The following SSBP3 variants were observed in gnomAD, a reference collection of about 807,000 sequenced individuals.
SSBP3 encodes single stranded DNA binding protein 3, also known as single-stranded DNA-binding protein 3.
In SSBP3, 5 loss-of-function variants were observed where a neutral mutation model predicts 69.6. The observed-to-expected ratio is 0.07, with a 90% CI of 0.04 to 0.15. SSBP3 has a LOEUF of 0.15. Ranked by LOEUF, SSBP3 falls within the 10% of genes least tolerant of loss-of-function variation. SSBP3 has a pLI of 1.00. For synonymous variants in SSBP3, 196 were observed against 193.4 expected (o/e 1.01, Z -0.11); for missense variants, 312 against 534.0 (o/e 0.58, Z 4.10).
intron 4 of SSBP3, among the ~76,000 whole-genome samples, chr1:54,375,360 A>G (rs1053186356): frequency 4.8e-5 from 7 of 146,680 alleles, no homozygotes; most frequent in Non-Finnish European, 9.0e-5. Context: ...GCATGCATGC[A>G]TTCAATTTAT....
intron 4 of SSBP3, among the ~76,000 whole-genome samples, chr1:54,306,229 G>A (rs1406210830): frequency 6.6e-6 from 1 of 152,110 alleles, no homozygotes; most frequent in Non-Finnish European, 1.5e-5. Flanking sequence ...CAAGGAGTGA[G>A]TGGATATTAC....
At chr1:54,271,895 G>A (rs1027400210) in intron 5 of SSBP3, among the ~76,000 whole-genome samples, 6 of 152,020 alleles carry the variant, frequency 3.9e-5, no homozygotes, top group East Asian at 1.9e-4. Context: ...TCAGCCTCCC[G>A]AATAGATGGG....
intron 4 of SSBP3, among the ~76,000 whole-genome samples, chr1:54,379,867 C>T (rs997405423): frequency 2.0e-5 from 3 of 152,168 alleles, no homozygotes; most frequent in Admixed American, 6.5e-5. Flanking sequence ...AAGAACACGG[C>T]GCATCAAGTC....
chr1:54,370,269 C>T (rs1053062003), intron 4 of SSBP3, among the ~76,000 whole-genome samples: 1 of 152,190 alleles, frequency 6.6e-6, no homozygotes, highest in Non-Finnish European at 1.5e-5. Context: ...GAAATCCAAA[C>T]GACCAGGAAA....
At chr1:54,365,215 T>C (rs1166484120) in intron 4 of SSBP3, among the ~76,000 whole-genome samples, 1 of 152,148 alleles carries the variant, frequency 6.6e-6, no homozygotes, top group African/African-American at 2.4e-5. Context: ...GAGGCTCCAT[T>C]GTGCCATGCG....
chr1:54,292,228 T>C (rs1274296411), intron 4 of SSBP3, among the ~76,000 whole-genome samples: 1 of 152,208 alleles, frequency 6.6e-6, no homozygotes, highest in Non-Finnish European at 1.5e-5. Context: ...GTCCTGGGAT[T>C]CAAACCCAGG....
intron 4 of SSBP3, among the ~76,000 whole-genome samples, chr1:54,330,123 T>C (rs913298918): frequency 7.9e-5 from 12 of 152,040 alleles, no homozygotes; most frequent in African/African-American, 2.9e-4. Flanking sequence ...CGGACCTGCA[T>C]GGATCCCCCG....
chr1:54,239,650 C>G (rs1246808808), intron 13 of SSBP3, among the ~76,000 whole-genome samples: 3 of 152,218 alleles, frequency 2.0e-5, no homozygotes, highest in Non-Finnish European at 4.4e-5. Context: ...GAGGGAGAGG[C>G]AGGGATGGGG....
intron 14 of SSBP3, among the ~76,000 whole-genome samples, chr1:54,231,672 TCTA>T (rs1434945699): frequency 1.3e-5 from 2 of 152,170 alleles, no homozygotes; most frequent in African/African-American, 4.8e-5. Context: ...AGATCTATGG[TCTA>T]CTTTGTTTTA....
At chr1:54,394,844 A>G (rs929015460) in intron 4 of SSBP3, among the ~76,000 whole-genome samples, 3 of 151,502 alleles carry the variant, frequency 2.0e-5, no homozygotes, top group Admixed American at 1.3e-4. Flanking sequence ...CTGGGACTAC[A>G]GGCGCCTGCC....
In SSBP3 at chr1:54,332,750, C is replaced by T. The variant is rs370255970; in HGVS notation, c.277-51223G>A. Among the ~76,000 whole-genome samples, 68 of 151,586 alleles carry T rather than the reference C, an allele frequency of 4.5e-4. 1 individual carries two copies. The highest frequency in any genetic ancestry group is 1.6e-3 in the African/African-American group (64 of 40,968). ...GGCTTAGGGAGAAAGATAAAAAAAA[C>T]GGACTTGCTCCCTTGTCCCACAGCC... On this transcript the variant is annotated intron_variant, in intron 4 of 17. Transcript: ENST00000610401.
intron 4 of SSBP3, among the ~76,000 whole-genome samples, chr1:54,316,999 A>G (rs1486502564): frequency 1.1e-4 from 17 of 152,110 alleles, no homozygotes. Flanking sequence ...CACATTCCCC[A>G]AACGACCCAC....
intron 7 of SSBP3, among the ~76,000 whole-genome samples, chr1:54,252,414 G>A (rs1293892490): frequency 6.6e-6 from 1 of 152,232 alleles, no homozygotes; most frequent in African/African-American, 2.4e-5. Context: ...GGGAAACTGA[G>A]GTCACAGGCC....
intron 4 of SSBP3, among the ~76,000 whole-genome samples, chr1:54,391,939 G>A (rs1251480263): frequency 6.6e-6 from 1 of 152,118 alleles, no homozygotes; most frequent in African/African-American, 2.4e-5. Context: ...AGCCAGCAGG[G>A]ACAGGCTGCA....
At chr1:54,298,830 C>G (rs539768986) in intron 4 of SSBP3, among the ~76,000 whole-genome samples, 1 of 152,086 alleles carries the variant, frequency 6.6e-6, no homozygotes, top group Admixed American at 6.5e-5. Flanking sequence ...AAATACGCGT[C>G]GCCCACTTCT....
chr1:54,381,340 G>A (rs1160265350), intron 4 of SSBP3, among the ~76,000 whole-genome samples: 1 of 125,944 alleles, frequency 7.9e-6, no homozygotes, highest in African/African-American at 3.0e-5. Context: ...CTGATATCGT[G>A]ACACTGTACT....
intron 14 of SSBP3, among the ~76,000 whole-genome samples, chr1:54,235,828 C>T (rs980491974): frequency 7.9e-5 from 12 of 152,156 alleles, no homozygotes; most frequent in Non-Finnish European, 2.9e-5. Flanking sequence ...TTTTAAAGCA[C>T]AGAGGTAATC....
At chr1:54,298,672 CTCTAGAAGAGAGG>C (rs1356351475) in intron 4 of SSBP3, among the ~76,000 whole-genome samples, 1 of 152,016 alleles carries the variant, frequency 6.6e-6, no homozygotes, top group Middle Eastern at 3.2e-3. Context: ...TGCTTTCCAT[CTCTAGAAGAGAGG>C]ACTTGTCTTG....
intron 4 of SSBP3, among the ~76,000 whole-genome samples, chr1:54,296,558 T>C (rs1645707026): frequency 6.6e-6 from 1 of 152,208 alleles, no homozygotes; most frequent in Admixed American, 6.5e-5. Context: ...CTCCGGTCCA[T>C]ACACCAGCGT....
Sources: allele counts gnomAD v4.1 joint callset (sites outside exome capture counted in the v4.1 genomes callset), GRCh38; gene constraint gnomAD v4.1.1; transcripts MANE v1.5; gene names NCBI Gene and HGNC (gene_info 2026-07-23, HGNC 2026-07-21).